Variants in SPAG16 observed in about 807,000 individuals in gnomAD.
SPAG16 encodes sperm-associated antigen 16 protein.
Under a neutral mutation model 80.4 loss-of-function variants are expected in SPAG16, and 86 were observed. The observed-to-expected ratio is 1.07, with a 90% CI of 0.90 to 1.28. The LOEUF is 1.28. SPAG16 is among the 50% of genes most tolerant of loss of function. The pLI, the probability that SPAG16 is intolerant of heterozygous loss-of-function variation, is 0.00. For synonymous variants in SPAG16, 294 were observed against 265.9 expected, an observed-to-expected ratio of 1.11 and a Z score of -1.03; for missense variants, 870 against 765.3, an observed-to-expected ratio of 1.14 and a Z score of -1.61.
At chr2:213,864,172 A>G (rs995054780) in intron 11 of SPAG16, among the ~76,000 whole-genome samples, 1 of 152,146 alleles carries the variant, frequency 6.6e-6, no homozygotes, top group African/African-American at 2.4e-5. Context: ...AACATTTTAT[A>G]ATCCTTGTAT....
At chr2:214,156,696 G>T (rs1431306160) in intron 15 of SPAG16, among the ~76,000 whole-genome samples, 1 of 152,070 alleles carries the variant, frequency 6.6e-6, no homozygotes, top group Non-Finnish European at 1.5e-5. Flanking sequence ...GGATCCCTGA[G>T]CCCAGGTTGC....
At position 213,519,971 on chromosome 2, in the gene SPAG16, T is replaced by C. The variant is rs562192923; in HGVS notation, c.1070+29881T>C. Among the ~76,000 whole-genome samples the C allele has an allele frequency of 2.6e-5, 4 of 152,008 alleles. No individual in the cohort carries two copies. The South Asian group carries it at 6.2e-4, about 24-fold the overall frequency. ...TAATGCAGTATGACTGATGTCCTTA[T>C]TAGAAAAGAAGAGACACAAACATAC... On this transcript the variant is annotated intron_variant, in intron 10 of 15. Transcript: ENST00000331683.
chr2:214,383,231 AG>A (rs1423786839), intron 15 of SPAG16, among the ~76,000 whole-genome samples: 1 of 152,192 alleles, frequency 6.6e-6, no homozygotes, highest in Non-Finnish European at 1.5e-5. Context: ...GCATATAATA[AG>A]GGGTCCTAAG....
intron 14 of SPAG16, among the ~76,000 whole-genome samples, chr2:214,115,340 T>C (rs1045445859): frequency 2.0e-5 from 3 of 152,208 alleles, no homozygotes; most frequent in Admixed American, 6.5e-5. Context: ...GTGGTACATA[T>C]ATAGAAGGCA....
At chr2:213,822,718 C>T (rs920673394) in intron 10 of SPAG16, among the ~76,000 whole-genome samples, 3 of 152,100 alleles carry the variant, frequency 2.0e-5, no homozygotes, top group Non-Finnish European at 2.9e-5. Context: ...CCTCTAAGTT[C>T]CCTCTCCTCA....
chr2:213,342,864 G>C (rs2064772056), intron 6 of SPAG16, among the ~76,000 whole-genome samples: 1 of 151,668 alleles, frequency 6.6e-6, no homozygotes, highest in Non-Finnish European at 1.5e-5. Context: ...TGAGCAGGAT[G>C]ATCAACCCAC....
intron 10 of SPAG16, among the ~76,000 whole-genome samples, chr2:213,539,219 A>G (rs557594842): frequency 6.6e-6 from 1 of 152,278 alleles, no homozygotes; most frequent in East Asian, 1.9e-4. Flanking sequence ...CTGTGCCAAA[A>G]TTATCCCTGT....
At chr2:214,184,007 T>G (rs1378819425) in intron 15 of SPAG16, among the ~76,000 whole-genome samples, 1 of 152,108 alleles carries the variant, frequency 6.6e-6, no homozygotes. Flanking sequence ...GTCTTTACTA[T>G]ACATGTATTT....
At chr2:213,639,556 C>T (rs2062507011) in intron 10 of SPAG16, among the ~76,000 whole-genome samples, 1 of 152,084 alleles carries the variant, frequency 6.6e-6, no homozygotes, top group South Asian at 2.1e-4. Context: ...TTTAAGGAGG[C>T]TAAAGATAGG....
chr2:213,986,889 A>G (rs915130372), intron 12 of SPAG16, among the ~76,000 whole-genome samples: 2 of 124,878 alleles, frequency 1.6e-5, no homozygotes, highest in East Asian at 2.3e-4. Context: ...CCTCTGGTAT[A>G]GCAAAAAAAA....
intron 8 of SPAG16, among the ~76,000 whole-genome samples, chr2:213,368,415 C>G (rs917727249): frequency 6.6e-6 from 1 of 152,078 alleles, no homozygotes; most frequent in Non-Finnish European, 1.5e-5. Flanking sequence ...GGACTTATCT[C>G]AAAATAATAA....
chr2:213,492,394 CA>C (rs1215263922), intron 10 of SPAG16, among the ~76,000 whole-genome samples: 2 of 151,696 alleles, frequency 1.3e-5, no homozygotes, highest in East Asian at 3.9e-4. Context: ...ACTAAAAATA[CA>C]AAAAATTAGC....
In SPAG16 at chr2:213,955,327, A is replaced by T. The variant is rs77754343; in HGVS notation, c.1400+25182A>T. ...GATTTTGACCTTTAAATTTAGGTCT[A>T]TGATCCATTTTGAGTTAATTTTGGT... On this transcript the variant is annotated intron_variant, in intron 12 of 15. Transcript: ENST00000331683. Among the ~76,000 whole-genome samples the T allele has an allele frequency of 1.9e-3, 291 of 152,232 alleles. 1 individual carries two copies. The highest frequency in any genetic ancestry group is 6.8e-3 in the Middle Eastern group (2 of 294).
At chr2:214,009,245 T>C (rs186098942) in intron 12 of SPAG16, among the ~76,000 whole-genome samples, 1 of 152,224 alleles carries the variant, frequency 6.6e-6, no homozygotes, top group Admixed American at 6.5e-5. Flanking sequence ...ACACTCCAAA[T>C]TTTAAGCAAC....
chr2:213,524,807 G>C (rs1284319815), intron 10 of SPAG16, among the ~76,000 whole-genome samples: 2 of 152,156 alleles, frequency 1.3e-5, no homozygotes, highest in Non-Finnish European at 2.9e-5. Flanking sequence ...ACAGGCTCAT[G>C]GTTGGAAGAG....
At chr2:214,342,271 A>G (rs1697756026) in intron 15 of SPAG16, among the ~76,000 whole-genome samples, 1 of 152,212 alleles carries the variant, frequency 6.6e-6, no homozygotes, top group African/African-American at 2.4e-5. Flanking sequence ...ATGGACTGAT[A>G]CTGGTCCTTG....
At chr2:214,314,307 A>T (rs77760076) in intron 15 of SPAG16, among the ~76,000 whole-genome samples, 1 of 152,232 alleles carries the variant, frequency 6.6e-6, no homozygotes, top group Non-Finnish European at 1.5e-5. Flanking sequence ...GTTAAAACTT[A>T]TGGATGACAA....
intron 15 of SPAG16, among the ~76,000 whole-genome samples, chr2:214,310,493 T>G (rs559483109): frequency 3.7e-5 from 5 of 136,846 alleles, no homozygotes; most frequent in African/African-American, 1.8e-4. Context: ...TTGGTTTTTG[T>G]TTTGTTTTTG....
intron 7 of SPAG16, among the ~76,000 whole-genome samples, chr2:213,357,634 T>C (rs997636508): frequency 2.7e-4 from 41 of 152,194 alleles, no homozygotes; most frequent in African/African-American, 8.9e-4. Flanking sequence ...TCCCTTTATT[T>C]TGAGCCTATG....
Sources: gnomAD v4.1 joint callset for allele counts (sites outside exome capture counted in the v4.1 genomes callset) on GRCh38, gnomAD v4.1.1 for gene constraint, MANE v1.5 for transcripts, NCBI Gene and HGNC (gene_info 2026-07-23, HGNC 2026-07-21) for gene names.